Variants in STPG2 observed in about 807,000 individuals in gnomAD.
STPG2 encodes the protein sperm tail PG-rich repeat containing 2.
A neutral mutation model predicts 54.2 loss-of-function variants in STPG2; 56 were observed. The observed-to-expected ratio is 1.03, with a 90% confidence interval of 0.83 to 1.29. The LOEUF is 1.29. Ranked by LOEUF, STPG2 falls within the 50% of genes most tolerant of loss-of-function variation. The pLI is 0.00. For missense variants in STPG2, 596 were observed against 544.9 expected (o/e 1.09, Z -0.93); for synonymous variants, 200 against 181.8 (o/e 1.10, Z -0.81).
At chr4:97,591,614 T>A (rs563389809) in intron 10 of STPG2, among the ~76,000 whole-genome samples, 2 of 152,302 alleles carry the variant, frequency 1.3e-5, no homozygotes, top group South Asian at 4.1e-4. Flanking sequence ...GATAGAGGGA[T>A]AAAATTCTGA....
chr4:97,481,541 T>C (rs1358671566), intron 4 of STPG2, among the ~76,000 whole-genome samples: 1 of 151,562 alleles, frequency 6.6e-6, no homozygotes. Flanking sequence ...ATGTTTTGTA[T>C]TTTGCAGCAT....
intron 8 of STPG2, among the ~76,000 whole-genome samples, chr4:97,868,466 A>C (rs916419655): frequency 2.0e-5 from 3 of 151,862 alleles, no homozygotes; most frequent in African/African-American, 7.2e-5. Flanking sequence ...CCCAGACATT[A>C]GAGGTAGCAT....
At chr4:98,053,940 T>G (rs1425592987) in intron 5 of STPG2, among the ~76,000 whole-genome samples, 1 of 152,176 alleles carries the variant, frequency 6.6e-6, no homozygotes, top group Non-Finnish European at 1.5e-5. Context: ...CTGAATTTTG[T>G]AGCAGTTCCA....
intron 8 of STPG2, chr4:97,917,158 G>C (rs1731910705): frequency 6.6e-6 from 1 of 152,614 alleles, no homozygotes; most frequent in Non-Finnish European, 1.5e-5. Flanking sequence ...GGTATGAAGG[G>C]AAGATGGGGC....
intron 4 of STPG2, among the ~76,000 whole-genome samples, chr4:97,540,152 CA>C (rs955723438): frequency 4.0e-5 from 6 of 151,864 alleles, no homozygotes; most frequent in African/African-American, 4.8e-5. Flanking sequence ...GAGACAGAGA[CA>C]AAAAACCCTT....
chr4:98,068,068 T>A (rs952821535), intron 5 of STPG2, among the ~76,000 whole-genome samples: 4 of 152,164 alleles, frequency 2.6e-5, no homozygotes, highest in Non-Finnish European at 4.4e-5. Flanking sequence ...TAATTCATAA[T>A]CTTTTGTATA....
chr4:98,007,069 C>A (rs940346911), intron 5 of STPG2, among the ~76,000 whole-genome samples: 2 of 152,188 alleles, frequency 1.3e-5, no homozygotes, highest in African/African-American at 2.4e-5. Flanking sequence ...AGCTTCACCC[C>A]CTGCTCCAAG....
rs150068765 is a variant in STPG2, at chr4:97,712,746, G to A, written c.1273C>T (p.Arg425Cys). The A allele has an allele frequency of 8.7e-5, 140 of 1,609,788 alleles. No individual in the cohort carries two copies. The highest frequency in any genetic ancestry group is 3.3e-4 in the Middle Eastern group (2 of 6,040). Reference protein sequence around the residue: ...PIPLFVKASKRFEESKEITPG... With the variant: ...PIPLFVKASKCFEESKEITPG... ...GTAATCTCTTTGGACTCTTCAAAGCGCTTTGATGCTTTCACAAATAAGGGT... is the reference window on the plus strand; with the variant it reads ...GTAATCTCTTTGGACTCTTCAAAGCACTTTGATGCTTTCACAAATAAGGGT... The change falls in exon 10 of 11, where the codon CGC (arginine) becomes TGC (cysteine). Residue 425 changes from arginine to cysteine, a missense_variant. By Grantham distance (180) the Arg-to-Cys change is radical. Coordinates refer to ENST00000295268, the MANE Select transcript of STPG2 (RefSeq NM_174952.3).
chr4:97,766,657 A>G (rs925561532), intron 9 of STPG2, among the ~76,000 whole-genome samples: 6 of 152,082 alleles, frequency 3.9e-5, no homozygotes, highest in Non-Finnish European at 7.4e-5. Flanking sequence ...TCTTTAATTA[A>G]AAATCAATGA....
intron 9 of STPG2, among the ~76,000 whole-genome samples, chr4:97,783,103 T>A (rs141800010): frequency 2.2e-3 from 338 of 152,330 alleles, no homozygotes; most frequent in African/African-American, 7.7e-3. Context: ...ATTAAAGAGC[T>A]TCTGCACAGT....
chr4:97,920,130 T>G (rs1732039856), intron 8 of STPG2, among the ~76,000 whole-genome samples: 1 of 152,120 alleles, frequency 6.6e-6, no homozygotes, highest in Non-Finnish European at 1.5e-5. Flanking sequence ...GACAAAACAC[T>G]GAGAGGACAG....
chr4:97,485,387 A>T (rs2148823747), intron 4 of STPG2, among the ~76,000 whole-genome samples: 1 of 152,028 alleles, frequency 6.6e-6, no homozygotes, highest in African/African-American at 2.4e-5. Context: ...AATGTACACA[A>T]ATCAGTAGCT....
At chr4:97,904,060 C>A (rs1263276956) in intron 8 of STPG2, among the ~76,000 whole-genome samples, 2 of 152,318 alleles carry the variant, frequency 1.3e-5, no homozygotes, top group South Asian at 4.1e-4. Context: ...CTTAGGTAAA[C>A]AAAGCAGCTG....
chr4:97,563,674 T>G (rs1044085329), intron 10 of STPG2, among the ~76,000 whole-genome samples: 1 of 152,214 alleles, frequency 6.6e-6, no homozygotes, highest in Non-Finnish European at 1.5e-5. Context: ...ACATCTTTAT[T>G]TCTGCCTTCA....
chr4:97,639,509 TA>T (rs74397502), intron 10 of STPG2, among the ~76,000 whole-genome samples: 270 of 139,188 alleles, frequency 1.9e-3, no homozygotes, highest in Middle Eastern at 7.8e-3. Context: ...AAAAATAAAT[TA>T]AAAAAAAAAA....
chr4:98,015,660 A>G (rs544321946), intron 5 of STPG2, among the ~76,000 whole-genome samples: 13 of 152,176 alleles, frequency 8.5e-5, no homozygotes, highest in Non-Finnish European at 1.5e-4. Flanking sequence ...AATTCCTCAA[A>G]GATCTAGAAC....
intron 5 of STPG2, among the ~76,000 whole-genome samples, chr4:98,031,460 C>G (rs1000489103): frequency 6.6e-6 from 1 of 152,084 alleles, no homozygotes; most frequent in Non-Finnish European, 1.5e-5. Flanking sequence ...GGGCGGATCA[C>G]AAGGTCAAGA....
At chr4:97,597,130 C>A (rs1439302643) in intron 10 of STPG2, among the ~76,000 whole-genome samples, 1 of 152,078 alleles carries the variant, frequency 6.6e-6, no homozygotes, top group East Asian at 1.9e-4. Context: ...ACTACGAACA[C>A]CTCTATGCAC....
At chr4:98,088,479 T>C (rs552000212) in intron 5 of STPG2, among the ~76,000 whole-genome samples, 9 of 152,176 alleles carry the variant, frequency 5.9e-5, no homozygotes, top group Admixed American at 2.0e-4. Flanking sequence ...CTAATGAAAC[T>C]AGTGTAATGC....
Sources: gnomAD v4.1 joint callset for allele counts (sites outside exome capture counted in the v4.1 genomes callset) on GRCh38, gnomAD v4.1.1 for gene constraint, MANE v1.5 for transcripts, NCBI Gene and HGNC (gene_info 2026-07-23, HGNC 2026-07-21) for gene names.